The following MORC1 variants were observed in gnomAD, a reference collection of about 807,000 sequenced individuals.
MORC1 encodes the protein MORC family CW-type zinc finger protein 1.
A neutral mutation model predicts 134.9 loss-of-function variants in MORC1; 59 were observed. The ratio of observed to expected loss-of-function variants is 0.44; its 90% CI spans 0.35 to 0.54. The LOEUF (loss-of-function observed/expected upper bound fraction) is 0.54. Ranked by LOEUF, MORC1 falls within the 20% of genes least tolerant of loss-of-function variation. MORC1 has a pLI of 0.00. For missense variants in MORC1, 947 were observed against 1,134.5 expected, an observed-to-expected ratio of 0.83 and a Z score of 2.37; for synonymous variants, 395 against 391.7, an observed-to-expected ratio of 1.01 and a Z score of -0.10.
chr3:108,984,631 T>C (rs1947845159), intron 23 of MORC1, 85 bp downstream of exon 23: 2 of 1,059,758 alleles, frequency 1.9e-6, no homozygotes, highest in East Asian at 5.7e-5. Context: ...ATTATTTCCT[T>C]TCTTCTTGTA....
At chr3:109,013,742 A>T (rs1359345365) in intron 17 of MORC1, among the ~76,000 whole-genome samples, 2 of 152,196 alleles carry the variant, frequency 1.3e-5, no homozygotes, top group African/African-American at 4.8e-5. Flanking sequence ...GTGTCCCCCC[A>T]AAAGCATGTA....
rs574685952 is a variant in MORC1, at chr3:109,104,638, C to T, written c.155-721G>A. ...GCCAGGGGTTCAAGACCAGCCTGCCCAAGGTAGTAAGACTTTGTCTCTAAA... is the reference window on the plus strand; with the variant it reads ...GCCAGGGGTTCAAGACCAGCCTGCCTAAGGTAGTAAGACTTTGTCTCTAAA... On this transcript the variant is annotated intron_variant, in intron 3 of 27. Transcript: ENST00000232603. 3.9e-5 allele frequency among the ~76,000 whole-genome samples: 6 copies of T among 152,000 alleles called. No individual in the cohort carries two copies. In the South Asian group the frequency reaches 1.3e-3, roughly 32 times the overall value.
chr3:109,067,128 C>T lies in MORC1; in HGVS notation c.815+2504G>A, dbSNP rs12497183. On this transcript the variant is annotated intron_variant, in intron 9 of 27. Coordinates refer to ENST00000232603, the MANE Select transcript of MORC1 (RefSeq NM_014429.4). The stretch of plus-strand genomic sequence containing the variant: ...ACATAGCGTTAATGTCCCAGAATAA[C>T]TTAAAAAGGACCATGCGGTTCCTAT... 2.3e-3 allele frequency among the ~76,000 whole-genome samples: 347 copies of T among 152,214 alleles called. 6 individuals are homozygous for T. The highest frequency in any genetic ancestry group is 0.013 in the Admixed American group (205 of 15,276).
rs191403794 is a variant in MORC1, at chr3:108,979,756, T to A, written c.2325-89A>T. 4.7e-6 allele frequency: 7 copies of A among 1,476,206 alleles called. No homozygotes were observed. The Admixed American group carries it at 9.7e-5, about 21-fold the overall frequency. 91.4% of individuals were successfully genotyped at this position (1,476,206 alleles called of 1,614,324 possible). Reference sequence around the variant, plus strand: ...TACAAAAATGAGTGAAATGTTCATATACAACAAATGAGAACAAGAACATGC... The same window carrying A: ...TACAAAAATGAGTGAAATGTTCATAAACAACAAATGAGAACAAGAACATGC... On this transcript the variant is annotated intron_variant, in intron 23 of 27. Coordinates refer to ENST00000232603, the MANE Select transcript of MORC1 (RefSeq NM_014429.4).
At chr3:109,031,094 T>C (rs1025540222) in intron 16 of MORC1, among the ~76,000 whole-genome samples, 15 of 152,140 alleles carry the variant, frequency 9.9e-5, no homozygotes, top group Non-Finnish European at 1.3e-4. Context: ...TCTGTGCCAA[T>C]GCAGGGACAA....
At chr3:109,090,646 G>C (rs6789630) in intron 8 of MORC1, among the ~76,000 whole-genome samples, 1 of 141,682 alleles carries the variant, frequency 7.1e-6, no homozygotes, top group Non-Finnish European at 1.5e-5. Context: ...AAAAAAACAC[G>C]ATGTCAAATG....
At chr3:109,110,845 A>C in intron 2 of MORC1, 62 bp from the exon 3 acceptor site, 1 of 1,259,444 alleles carries the variant, frequency 7.9e-7, no homozygotes, top group Non-Finnish European at 1.1e-6. Context: ...ATAAGGTATA[A>C]CCTATTGTCA....
At chr3:108,960,462 A>G (rs1177844563) in intron 27 of MORC1, among the ~76,000 whole-genome samples, 2 of 152,216 alleles carry the variant, frequency 1.3e-5, no homozygotes, top group Non-Finnish European at 2.9e-5. Flanking sequence ...AGACAAAGCA[A>G]TGGCTACCTA....
At chr3:109,066,177 A>G (rs1950191294) in intron 9 of MORC1, among the ~76,000 whole-genome samples, 1 of 152,148 alleles carries the variant, frequency 6.6e-6, no homozygotes, top group African/African-American at 2.4e-5. Context: ...AAAAGTTGAA[A>G]TTTAAAAAAA....
chr3:109,078,268 T>C (rs1048602162), intron 8 of MORC1, among the ~76,000 whole-genome samples: 1 of 151,950 alleles, frequency 6.6e-6, no homozygotes, highest in African/African-American at 2.4e-5. Context: ...GATTCACTTT[T>C]AAAAAAATGT....
intron 14 of MORC1, among the ~76,000 whole-genome samples, chr3:109,040,829 C>CA (rs59122147): frequency 0.051 from 5,477 of 108,230 alleles, 473 homozygotes; most frequent in African/African-American, 0.17. Context: ...AACTCTGTGT[C>CA]AAAAAAAAAA....
intron 21 of MORC1, among the ~76,000 whole-genome samples, chr3:108,994,222 G>A (rs905164473): frequency 4.0e-5 from 6 of 151,820 alleles, no homozygotes; most frequent in African/African-American, 1.5e-4. Flanking sequence ...ATAAATACAA[G>A]GTTTCATTGC....
At position 109,040,403 on chromosome 3, in the gene MORC1, A is replaced by AAAGAAAGAAAGAAAGAAAAGGAAG. The variant is rs1553753628; in HGVS notation, c.1331-4936_1331-4935insCTTCCTTTTCTTTCTTTCTTTCTT. Among the ~76,000 whole-genome samples the AAAGAAAGAAAGAAAGAAAAGGAAG allele has an allele frequency of 2.2e-4, 3 of 13,558 alleles. No homozygotes were observed. The Admixed American group carries it at 3.6e-3, about 16-fold the overall frequency. 8.9% of individuals were successfully genotyped at this position (13,558 alleles called of 152,430 possible). A position where few individuals can be genotyped will look rare whatever the true frequency, so the allele number is the denominator to read the frequency against. On this transcript the variant is annotated intron_variant, in intron 14 of 27. Transcript: ENST00000232603. ...GAAAGAAAGAAAGAAAGAAAGAAAGAGAAGGAAGGAAGGAAGGAAGGAAGG... is the reference window on the plus strand; with the variant it reads ...GAAAGAAAGAAAGAAAGAAAGAAAGAAAGAAAGAAAGAAAGAAAAGGAAGGAAGGAAGGAAGGAAGGAAGGAAGG...
At chr3:109,037,035 T>C (rs539465583) in intron 14 of MORC1, among the ~76,000 whole-genome samples, 1 of 152,330 alleles carries the variant, frequency 6.6e-6, no homozygotes, top group South Asian at 2.1e-4. Flanking sequence ...AAACAACCCT[T>C]GACCATAAAA....
chr3:108,968,723 C>T (rs527708095), intron 26 of MORC1, among the ~76,000 whole-genome samples: 28 of 151,656 alleles, frequency 1.8e-4, no homozygotes, highest in African/African-American at 6.3e-4. Context: ...TGGCTGTAAA[C>T]ATAAGCATAC....
At position 109,054,763 on chromosome 3, in the gene MORC1, T is replaced by C; in HGVS notation, c.1295A>G (p.Gln432Arg). The C allele has an allele frequency of 6.3e-7, 1 of 1,595,642 alleles. No individual in the cohort carries two copies. The highest frequency in any genetic ancestry group is 2.2e-5 in the East Asian group (1 of 44,754). Residue 432 changes from glutamine to arginine, a missense_variant, in exon 14 of 28, where the codon CAG becomes CGG. Gln to Arg is a conservative substitution (Grantham distance 43). Around this residue, in one of 3 missense-constraint regions of MORC1, gnomAD observed 722 missense variants for 817.0 expected, o/e 0.88. Transcript: ENST00000232603. Reference protein sequence around the residue: ...EYNHLLKVMGQYLVQYCKDTG... With the variant: ...EYNHLLKVMGRYLVQYCKDTG... ...GTCCTTACAGTACTGGACCAAGTAC[T>C]GTCCCATGACTTTTAGTAGATGATT...
At chr3:109,074,932 G>C (rs74992456) in intron 8 of MORC1, among the ~76,000 whole-genome samples, 4,902 of 152,218 alleles carry the variant, frequency 0.032, 251 homozygotes, top group African/African-American at 0.11. Context: ...GATGGGAACA[G>C]AGAATTTTGG....
intron 12 of MORC1, among the ~76,000 whole-genome samples, chr3:109,059,056 T>C (rs1036492240): frequency 6.6e-6 from 1 of 152,172 alleles, no homozygotes; most frequent in Admixed American, 6.5e-5. Flanking sequence ...AAGTAACATT[T>C]CACATTTATT....
At chr3:109,022,246 G>C (rs1323167058) in intron 17 of MORC1, among the ~76,000 whole-genome samples, 1 of 152,152 alleles carries the variant, frequency 6.6e-6, no homozygotes, top group Non-Finnish European at 1.5e-5. Context: ...TATAGTTATA[G>C]AGATTTGAAA....
Sources: allele counts gnomAD v4.1 joint callset (sites outside exome capture counted in the v4.1 genomes callset), GRCh38; gene constraint gnomAD v4.1.1; regional missense constraint gnomAD v4.1.1; transcripts MANE v1.5; gene names NCBI Gene and HGNC (gene_info 2026-07-23, HGNC 2026-07-21).